The following UBE2L3 variants were observed in gnomAD, a reference collection of about 807,000 sequenced individuals.
The protein encoded by UBE2L3 is ubiquitin-conjugating enzyme E2 L3.
In UBE2L3, 1 loss-of-function variant was observed where a neutral mutation model predicts 17.8. The observed-to-expected ratio is 0.06, with a 90% CI of 0.02 to 0.27. The LOEUF is 0.27. UBE2L3 is among the 10% of genes least tolerant of loss of function. UBE2L3 has a pLI of 1.00. For missense variants in UBE2L3, 40 were observed against 192.6 expected (o/e 0.21, Z 4.69); for synonymous variants, 44 against 68.5 (o/e 0.64, Z 1.76).
intron 1 of UBE2L3, among the ~76,000 whole-genome samples, chr22:21,578,820 A>G (rs1330405998): frequency 6.6e-6 from 1 of 152,038 alleles, no homozygotes; most frequent in East Asian, 1.9e-4. Context: ...ACCTCTGAGA[A>G]GCACTGTGCT....
intron 1 of UBE2L3, among the ~76,000 whole-genome samples, chr22:21,572,975 C>T (rs990136703): frequency 6.6e-6 from 1 of 152,170 alleles, no homozygotes; most frequent in Non-Finnish European, 1.5e-5. Flanking sequence ...TGCCTGTCTT[C>T]TCTCCATCCC....
intron 1 of UBE2L3, among the ~76,000 whole-genome samples, chr22:21,585,737 C>A (rs951613358): frequency 6.6e-6 from 1 of 152,148 alleles, no homozygotes; most frequent in East Asian, 1.9e-4. Context: ...TTCCAGAAGA[C>A]ATCCTGGGGA....
chr22:21,593,217 G>T (rs1240928266), intron 2 of UBE2L3, among the ~76,000 whole-genome samples: 1 of 152,182 alleles, frequency 6.6e-6, no homozygotes, highest in African/African-American at 2.4e-5. Flanking sequence ...GAGTGTGTCT[G>T]TGCTCCTGCT....
chr22:21,594,395 G>A (rs1245553771), intron 2 of UBE2L3, among the ~76,000 whole-genome samples: 1 of 151,848 alleles, frequency 6.6e-6, no homozygotes, highest in Non-Finnish European at 1.5e-5. Context: ...GTTATAAGGT[G>A]AGCATGGAGC....
chr22:21,599,264 A>G (rs1304145666), intron 2 of UBE2L3, among the ~76,000 whole-genome samples: 1 of 151,990 alleles, frequency 6.6e-6, no homozygotes, highest in African/African-American at 2.4e-5. Context: ...TGTAATTGTC[A>G]GTTCTTTTCT....
At chr22:21,564,436 T>C (rs1926562434), upstream of UBE2L3, among the ~76,000 whole-genome samples, 1 of 152,068 alleles carries the variant, frequency 6.6e-6, no homozygotes, top group South Asian at 2.1e-4. Context: ...CCAGGCCTGC[T>C]AGAGGGAGCA....
chr22:21,621,873 A>G lies in UBE2L3; in HGVS notation c.*204A>G, dbSNP rs1398395647. ...AAGGATTAAAAATTTAAGATGTTCT[A>G]GTTCTGCTCTCTTTGTTTTAAAAAT... On this transcript the variant is annotated 3_prime_UTR_variant, in exon 4 of 4. Coordinates refer to ENST00000342192, the MANE Select transcript of UBE2L3 (RefSeq NM_003347.4). 3 of 503,084 alleles carry G rather than the reference A, an allele frequency of 6.0e-6. No homozygotes were observed. Among genetic ancestry groups the G allele is most frequent in the East Asian group, 7.3e-5 (2 of 27,580 alleles). 31.2% of individuals were successfully genotyped at this position (503,084 alleles called of 1,614,324 possible).
intron 2 of UBE2L3, among the ~76,000 whole-genome samples, chr22:21,596,847 G>T (rs1482816867): frequency 6.6e-6 from 1 of 152,024 alleles, no homozygotes; most frequent in East Asian, 1.9e-4. Flanking sequence ...GCTAACATTT[G>T]TTATTTTACT....
At chr22:21,593,681 C>T (rs1367651187) in intron 2 of UBE2L3, among the ~76,000 whole-genome samples, 1 of 152,194 alleles carries the variant, frequency 6.6e-6, no homozygotes, top group African/African-American at 2.4e-5. Context: ...TCCTCTCACT[C>T]TCCTGAAACC....
intron 3 of UBE2L3, among the ~76,000 whole-genome samples, chr22:21,616,145 C>T (rs185712957): frequency 2.0e-5 from 3 of 152,238 alleles, no homozygotes; most frequent in South Asian, 2.1e-4. Flanking sequence ...GAACCTAAAC[C>T]TCTGTTTCCC....
intron 2 of UBE2L3, among the ~76,000 whole-genome samples, chr22:21,598,990 C>T (rs1928709539): frequency 6.6e-6 from 1 of 151,980 alleles, no homozygotes; most frequent in South Asian, 2.1e-4. Context: ...CAGGCATACA[C>T]CACCACGCTC....
intron 2 of UBE2L3, among the ~76,000 whole-genome samples, chr22:21,597,066 C>T (rs1337001437): frequency 6.6e-6 from 1 of 151,698 alleles, no homozygotes; most frequent in Non-Finnish European, 1.5e-5. Flanking sequence ...GCAACCTCTG[C>T]CTCCCGGGTT....
intron 2 of UBE2L3, among the ~76,000 whole-genome samples, chr22:21,604,028 C>T (rs1184550687): frequency 3.3e-5 from 5 of 151,012 alleles, no homozygotes; most frequent in South Asian, 2.1e-4. Context: ...CCTCCCACCT[C>T]GGCCTTCCAA....
chr22:21,595,517 G>A (rs1338421863), intron 2 of UBE2L3, among the ~76,000 whole-genome samples: 1 of 152,214 alleles, frequency 6.6e-6, no homozygotes, highest in Non-Finnish European at 1.5e-5. Context: ...GGAGAGTGGT[G>A]CTGTCCTTGG....
At chr22:21,607,514 TA>T (rs758366095) in intron 2 of UBE2L3, among the ~76,000 whole-genome samples, 21,422 of 108,956 alleles carry the variant, frequency 0.2, 2,332 homozygotes, top group East Asian at 0.48. Context: ...GACTCCGTCT[TA>T]AAAAAAAAAA....
intron 3 of UBE2L3, among the ~76,000 whole-genome samples, chr22:21,618,172 C>T (rs1021647969): frequency 1.3e-4 from 20 of 151,142 alleles, no homozygotes; most frequent in African/African-American, 4.7e-4. Context: ...CAGAGTGAGA[C>T]GCCATCTCAA....
chr22:21,602,040 CTT>C (rs957745471), intron 2 of UBE2L3, among the ~76,000 whole-genome samples: 3 of 151,704 alleles, frequency 2.0e-5, no homozygotes, highest in African/African-American at 7.3e-5. Flanking sequence ...CTTGTTCTCT[CTT>C]AACAGGGGAC....
chr22:21,616,668 A>AG (rs1314583646), intron 3 of UBE2L3, among the ~76,000 whole-genome samples: 1 of 151,846 alleles, frequency 6.6e-6, no homozygotes, highest in East Asian at 1.9e-4. Context: ...CAAAAAAAAA[A>AG]AAAAAAATTA....
chr22:21,595,092 G>T (rs376735668), intron 2 of UBE2L3, among the ~76,000 whole-genome samples: 8 of 152,212 alleles, frequency 5.3e-5, no homozygotes, highest in Non-Finnish European at 1.0e-4. Flanking sequence ...ATCTTACTAG[G>T]GCAAAGGTGG....
Sources: gnomAD v4.1 joint callset for allele counts (sites outside exome capture counted in the v4.1 genomes callset) on GRCh38, gnomAD v4.1.1 for gene constraint, MANE v1.5 for transcripts, NCBI Gene and HGNC (gene_info 2026-07-23, HGNC 2026-07-21) for gene names.